TDRD5: variants seen among roughly 807,000 people sequenced by gnomAD.
TDRD5 encodes the protein tudor domain containing 5.
TDRD5 carries 41 observed loss-of-function variants against 120.6 expected under a neutral mutation model. The ratio of observed to expected loss-of-function variants is 0.34; its 90% CI spans 0.26 to 0.44. The LOEUF is 0.44. Ranked by LOEUF, TDRD5 falls within the 20% of genes least tolerant of loss-of-function variation. The pLI is 1.00. For synonymous variants in TDRD5, 430 were observed against 433.7 expected (o/e 0.99, Z 0.11); for missense variants, 1,006 against 1,221.2 (o/e 0.82, Z 2.63).
intron 16 of TDRD5, among the ~76,000 whole-genome samples, chr1:179,665,138 T>C (rs1679498168): frequency 6.6e-6 from 1 of 152,144 alleles, no homozygotes; most frequent in South Asian, 2.1e-4. Flanking sequence ...TATTCAGATA[T>C]AAGAAAATAT....
intron 11 of TDRD5, 45 bp from the exon 12 acceptor site, chr1:179,650,822 T>C: frequency 1.3e-6 from 2 of 1,572,206 alleles, no homozygotes; most frequent in Non-Finnish European, 8.8e-7. Flanking sequence ...TTATAATTCA[T>C]GTTTAGATCT....
At chr1:179,680,912 T>C (rs372657916) in intron 17 of TDRD5, among the ~76,000 whole-genome samples, 1 of 152,166 alleles carries the variant, frequency 6.6e-6, no homozygotes, top group Admixed American at 6.5e-5. Flanking sequence ...AAAGGGCATA[T>C]GACCAAATGG....
At chr1:179,672,544 T>A (rs912166312) in intron 17 of TDRD5, among the ~76,000 whole-genome samples, 3 of 152,208 alleles carry the variant, frequency 2.0e-5, no homozygotes, top group African/African-American at 7.2e-5. Flanking sequence ...TTCTGTGGGT[T>A]GTCTTGTTAA....
At chr1:179,672,953 A>G (rs1294129841) in intron 17 of TDRD5, among the ~76,000 whole-genome samples, 1 of 152,138 alleles carries the variant, frequency 6.6e-6, no homozygotes, top group Non-Finnish European at 1.5e-5. Context: ...CCATTGGTCT[A>G]TGTGCCTATC....
chr1:179,640,326 G>C, intron 10 of TDRD5, 53 bp from the exon 11 acceptor site: 3 of 1,589,510 alleles, frequency 1.9e-6, no homozygotes, highest in Non-Finnish European at 2.6e-6. Context: ...GCTAAGAGGT[G>C]CATTTATATA....
chr1:179,632,680 AG>A (rs1677523360), intron 7 of TDRD5, among the ~76,000 whole-genome samples: 1 of 152,160 alleles, frequency 6.6e-6, no homozygotes. Flanking sequence ...TAGCATTAAT[AG>A]TTTTAGTGTG....
chr1:179,609,728 A>G (rs1676180783), intron 4 of TDRD5, among the ~76,000 whole-genome samples: 2 of 152,062 alleles, frequency 1.3e-5, no homozygotes, highest in South Asian at 4.1e-4. Context: ...AAGTACTCCT[A>G]CTGTTCCTAG....
chr1:179,631,029 C>A (rs1677413359), intron 7 of TDRD5, 109 bp downstream of exon 7: 3 of 1,054,240 alleles, frequency 2.8e-6, no homozygotes, highest in East Asian at 2.4e-5. Context: ...AAATGACCTC[C>A]TTTCTGGTGG....
At chr1:179,598,282 A>G (rs1169641565) in intron 4 of TDRD5, among the ~76,000 whole-genome samples, 1 of 152,236 alleles carries the variant, frequency 6.6e-6, no homozygotes. Flanking sequence ...AATGCAGCCC[A>G]TGACTGTAGT....
intron 5 of TDRD5, among the ~76,000 whole-genome samples, chr1:179,619,742 C>T (rs192121422): frequency 1.3e-5 from 2 of 152,134 alleles, no homozygotes; most frequent in Non-Finnish European, 2.9e-5. Context: ...TCACATCAGC[C>T]TCCCGAGTAG....
At chr1:179,626,507 G>C (rs1297978202) in intron 6 of TDRD5, among the ~76,000 whole-genome samples, 1 of 152,160 alleles carries the variant, frequency 6.6e-6, no homozygotes, top group Non-Finnish European at 1.5e-5. Flanking sequence ...GTAAACTTAA[G>C]TTGTGTGCAT....
intron 17 of TDRD5, among the ~76,000 whole-genome samples, chr1:179,678,778 A>G (rs1434669503): frequency 6.6e-6 from 1 of 152,110 alleles, no homozygotes; most frequent in East Asian, 1.9e-4. Context: ...ATTTGTTCTA[A>G]TAGCTCTTTT....
At chr1:179,666,561 T>G (rs1186311743) in intron 16 of TDRD5, among the ~76,000 whole-genome samples, 1 of 152,200 alleles carries the variant, frequency 6.6e-6, no homozygotes, top group Non-Finnish European at 1.5e-5. Context: ...TCTTTTTTCC[T>G]CCTACCTCCC....
rs1419080643 is a variant in TDRD5, at chr1:179,618,620, G to C, written c.853G>C (p.Val285Leu). Residue 285 changes from valine (V) to leucine (L), a missense_variant, in exon 5 of 18, where the codon GTT (valine) becomes CTT (leucine). By Grantham distance (32) the Val-to-Leu change is conservative (BLOSUM62 1). Around this residue, in one of 3 missense-constraint regions of TDRD5, gnomAD observed 445 missense variants for 515.5 expected, o/e 0.86. Transcript: ENST00000444136. ...ATAGCTGGAGAACACATTCAAATCA[G>C]TTATTGCACAGATTGGACCTGGAGG... The part of the protein sequence containing the change: ...LNQLENTFKS[V>L]IAQIGPGGTI... The C allele has an allele frequency of 1.4e-5, 22 of 1,595,010 alleles. No individual in the cohort carries two copies. The highest frequency in any genetic ancestry group is 1.7e-5 in the Non-Finnish European group (20 of 1,172,564).
intron 11 of TDRD5, among the ~76,000 whole-genome samples, chr1:179,642,170 G>A (rs925445287): frequency 1.3e-5 from 2 of 150,464 alleles, no homozygotes; most frequent in East Asian, 1.9e-4. Context: ...GTGCAATCTC[G>A]GCTCACTCCA....
At position 179,630,817 on chromosome 1, in the gene TDRD5, G is replaced by A. The variant is rs1349960748; in HGVS notation, c.1023G>A (p.Val341=). The A allele has an allele frequency of 4.3e-6, 7 of 1,613,880 alleles. No individual in the cohort carries two copies. Among genetic ancestry groups the A allele is most frequent in the Admixed American group, 1.7e-5 (1 of 59,984 alleles). Residue 341 remains valine (V), a synonymous_variant, in exon 7 of 18, where the codon GTG becomes GTA. Transcript: ENST00000444136. The stretch of plus-strand genomic sequence containing the variant: ...CAAAAAAATTAGGCTTCTTAAATGT[G>A]ACAGAACTTGTTGGAGCTCTTAGTG... The part of the protein sequence containing the change: ...LSPKKLGFLN[V]TELVGALSDI...
intron 14 of TDRD5, among the ~76,000 whole-genome samples, chr1:179,658,436 T>C (rs1056675811): frequency 6.6e-6 from 1 of 152,180 alleles, no homozygotes; most frequent in Admixed American, 6.5e-5. Context: ...TCAATTGCTT[T>C]AGTAGATATA....
intron 15 of TDRD5, 62 bp downstream of exon 15, chr1:179,662,348 C>A: frequency 1.3e-6 from 2 of 1,534,950 alleles, no homozygotes; most frequent in South Asian, 2.5e-5. Context: ...AGCCTGTAAT[C>A]CTAGCAGTTT....
chr1:179,687,046 G>T (rs143423130), intron 17 of TDRD5, among the ~76,000 whole-genome samples: 2,949 of 152,172 alleles, frequency 0.019, 73 homozygotes, highest in African/African-American at 0.066. Context: ...ATCTCCTTCA[G>T]TTCTGCTCTG....
Sources: gnomAD v4.1 joint callset for allele counts (sites outside exome capture counted in the v4.1 genomes callset) on GRCh38, gnomAD v4.1.1 for gene constraint, gnomAD v4.1.1 regional missense constraint, MANE v1.5 for transcripts, NCBI Gene and HGNC (gene_info 2026-07-23, HGNC 2026-07-21) for gene names.